Variants in SRGAP3 observed in about 807,000 individuals in gnomAD.
SRGAP3 encodes the protein SLIT-ROBO Rho GTPase activating protein 3.
SRGAP3 carries 39 observed loss-of-function variants against 121.1 expected under a neutral mutation model. The observed-to-expected ratio is 0.32, with a 90% confidence interval of 0.25 to 0.42. The LOEUF is 0.42. Ranked by LOEUF, SRGAP3 falls within the 10% of genes least tolerant of loss-of-function variation. The pLI, the probability that SRGAP3 is intolerant of heterozygous loss-of-function variation, is 1.00. For missense variants in SRGAP3, 1,213 were observed against 1,470.6 expected, an observed-to-expected ratio of 0.82 and a Z score of 2.86; for synonymous variants, 601 against 570.0, an observed-to-expected ratio of 1.05 and a Z score of -0.77.
chr3:9,049,674 C>T lies in SRGAP3; in HGVS notation c.1324-2199G>A, dbSNP rs550452250. On this transcript the variant is annotated intron_variant, in intron 9 of 21. Transcript: ENST00000383836. ...CGCAAATTCCTGTTCTAGAATAACT[C>T]GAGTCTAACCCTTCATTTGACACTG... 2.6e-5 allele frequency among the ~76,000 whole-genome samples: 4 copies of T among 152,264 alleles called. No individual in the cohort carries two copies. In the South Asian group the frequency reaches 6.2e-4, roughly 24 times the overall value.
intron 1 of SRGAP3, among the ~76,000 whole-genome samples, chr3:9,139,373 C>T (rs1338556232): frequency 1.3e-5 from 2 of 151,886 alleles, no homozygotes; most frequent in Admixed American, 1.3e-4. Context: ...TCTGGGTGGA[C>T]CCTAATGCAA....
chr3:9,031,394 T>G (rs9857003), intron 12 of SRGAP3, among the ~76,000 whole-genome samples: 3,780 of 152,296 alleles, frequency 0.025, 147 homozygotes, highest in African/African-American at 0.084. Flanking sequence ...GGTCACCTCC[T>G]GATCTTCCTT....
chr3:9,058,764 G>C (rs1316253777), intron 6 of SRGAP3: 1 of 377,060 alleles, frequency 2.7e-6, no homozygotes, highest in Non-Finnish European at 4.8e-6. Flanking sequence ...CTGTCACTTA[G>C]GCTGGAGTGC....
intron 1 of SRGAP3, among the ~76,000 whole-genome samples, chr3:9,362,591 G>A (rs2030953157): frequency 6.6e-6 from 1 of 152,076 alleles, no homozygotes; most frequent in Non-Finnish European, 1.5e-5. Context: ...ACCAGCTTAG[G>A]CAACATAGTG....
chr3:9,009,749 C>T (rs990189874), intron 18 of SRGAP3, among the ~76,000 whole-genome samples: 1 of 152,098 alleles, frequency 6.6e-6, no homozygotes, highest in African/African-American at 2.4e-5. Flanking sequence ...CTCTCTCTCA[C>T]CACACATTTC....
chr3:9,326,652 A>C (rs992082742), intron 2 of SRGAP3, among the ~76,000 whole-genome samples: 1 of 151,784 alleles, frequency 6.6e-6, no homozygotes. Context: ...AGCAGTGATA[A>C]CTACTGAGTT....
At chr3:9,133,323 A>T (rs1468422015) in intron 1 of SRGAP3, among the ~76,000 whole-genome samples, 1 of 152,100 alleles carries the variant, frequency 6.6e-6, no homozygotes, top group Non-Finnish European at 1.5e-5. Context: ...CTCTACTAGA[A>T]AATACAAAAA....
intron 1 of SRGAP3, among the ~76,000 whole-genome samples, chr3:9,226,829 A>C (rs1315464177): frequency 6.6e-6 from 1 of 152,172 alleles, no homozygotes; most frequent in African/African-American, 2.4e-5. Flanking sequence ...CTGCCCCTCA[A>C]ATTGTTGAAG....
At chr3:9,153,992 C>T (rs922962111) in intron 1 of SRGAP3, among the ~76,000 whole-genome samples, 1 of 152,114 alleles carries the variant, frequency 6.6e-6, no homozygotes, top group African/African-American at 2.4e-5. Context: ...CCCACGTCCC[C>T]TCCACTTGTT....
chr3:9,046,000 C>G (rs890320977), intron 10 of SRGAP3, among the ~76,000 whole-genome samples: 30 of 152,254 alleles, frequency 2.0e-4, no homozygotes, highest in African/African-American at 7.2e-4. Context: ...CTCTTTGCTA[C>G]CCAAACTCCT....
chr3:9,291,361 CAAA>C (rs1252350672), intron 3 of SRGAP3, among the ~76,000 whole-genome samples: 1 of 152,178 alleles, frequency 6.6e-6, no homozygotes, highest in Non-Finnish European at 1.5e-5. Flanking sequence ...TAAGGTATCA[CAAA>C]ATCCTGGCAC....
At chr3:9,020,848 A>G (rs1320268542) in intron 14 of SRGAP3, among the ~76,000 whole-genome samples, 1 of 152,234 alleles carries the variant, frequency 6.6e-6, no homozygotes, top group Non-Finnish European at 1.5e-5. Context: ...AAGGAAAGAC[A>G]TGTTCACACT....
At chr3:9,017,525 C>A (rs17798840) in intron 14 of SRGAP3, among the ~76,000 whole-genome samples, 35,033 of 151,974 alleles carry the variant, frequency 0.23, 4,146 homozygotes, top group Non-Finnish European at 0.26. Flanking sequence ...GTATCCCACT[C>A]AAGAGATATA....
chr3:9,122,104 TG>T (rs1949028021), intron 2 of SRGAP3, among the ~76,000 whole-genome samples: 1 of 152,234 alleles, frequency 6.6e-6, no homozygotes, highest in African/African-American at 2.4e-5. Flanking sequence ...ATCTTTACGA[TG>T]GGGTAGTAAT....
intron 1 of SRGAP3, among the ~76,000 whole-genome samples, chr3:9,167,867 G>C (rs1950845347): frequency 6.6e-6 from 1 of 152,156 alleles, no homozygotes; most frequent in Non-Finnish European, 1.5e-5. Flanking sequence ...CCTCCCTCAA[G>C]ACTGCCTCCA....
intron 18 of SRGAP3, among the ~76,000 whole-genome samples, chr3:9,000,938 G>A (rs1942721534): frequency 6.6e-6 from 1 of 152,192 alleles, no homozygotes. Context: ...TCATCCCACA[G>A]AGCAGTATTT....
chr3:9,064,783 C>G (rs1308215410), intron 4 of SRGAP3, among the ~76,000 whole-genome samples: 1 of 151,930 alleles, frequency 6.6e-6, no homozygotes, highest in Admixed American at 6.6e-5. Context: ...TTACCATCAC[C>G]ATCATCATCA....
rs545432933 is a variant in SRGAP3 at position 8,998,955 on chromosome 3, T to C, written c.2228-4432A>G. 3.3e-5 allele frequency among the ~76,000 whole-genome samples: 5 copies of C among 152,298 alleles called. No homozygotes were observed. The East Asian group carries it at 9.6e-4, about 29-fold the overall frequency. On this transcript the variant is annotated intron_variant, in intron 18 of 21. Coordinates refer to ENST00000383836, the MANE Select transcript of SRGAP3 (RefSeq NM_014850.4). ...TCTGAGCTCAGGTCCCAGACATCAT[T>C]AATAGAGGCTTCTAGATGTTTTTGA...
intron 3 of SRGAP3, among the ~76,000 whole-genome samples, chr3:9,267,665 C>G (rs374920693): frequency 1.3e-5 from 2 of 152,178 alleles, no homozygotes; most frequent in African/African-American, 2.4e-5. Flanking sequence ...CTGCCAGTCA[C>G]GTAGTCTCAG....
Sources: gnomAD v4.1 joint callset for allele counts (sites outside exome capture counted in the v4.1 genomes callset) on GRCh38, gnomAD v4.1.1 for gene constraint, MANE v1.5 for transcripts, NCBI Gene and HGNC (gene_info 2026-07-23, HGNC 2026-07-21) for gene names.